RGPD5: variants seen among roughly 807,000 people sequenced by gnomAD.
The protein encoded by RGPD5 is RANBP2 like and GRIP domain containing 5.
the RGPD5 span, among the ~76,000 whole-genome samples, chr2:109,763,810 G>A: frequency 6.7e-6 from 1 of 149,594 alleles, no homozygotes; most frequent in Non-Finnish European, 1.5e-5. Context: ...CTAATTGATG[G>A]ACATCATTTT....
chr2:109,772,890 CAT>C, the RGPD5 span, among the ~76,000 whole-genome samples: 3 of 143,562 alleles, frequency 2.1e-5, no homozygotes, highest in Non-Finnish European at 4.5e-5. Context: ...AGTATTCACT[CAT>C]TTTCTGGGTA....
At chr2:109,777,286 A>G in the RGPD5 span, among the ~76,000 whole-genome samples, 1 of 148,836 alleles carries the variant, frequency 6.7e-6, no homozygotes, top group South Asian at 2.2e-4. Context: ...GCTTTTCTAC[A>G]TGTATTGAGA....
the RGPD5 span, among the ~76,000 whole-genome samples, chr2:109,774,528 AT>A: frequency 8.6e-5 from 8 of 92,786 alleles, no homozygotes; most frequent in East Asian, 2.5e-3. Flanking sequence ...TATATTATAT[AT>A]ATTATATATA....
At chr2:109,772,760 C>T in the RGPD5 span, among the ~76,000 whole-genome samples, 1 of 139,620 alleles carries the variant, frequency 7.2e-6, no homozygotes, top group African/African-American at 2.8e-5. Context: ...AGTCTGGTGG[C>T]TGTGAGAGGC....
chr2:109,766,570 T>C, the RGPD5 span, among the ~76,000 whole-genome samples: 478 of 150,640 alleles, frequency 3.2e-3, 10 homozygotes, highest in Non-Finnish European at 5.4e-3. Context: ...AGATTCTCTT[T>C]TGTGAAAATG....
chr2:109,794,630 C>CTCGGCCCCGGCCCG (rs1676885105), intron 1 of RGPD5, 93 bp downstream of exon 1: 1 of 781,298 alleles, frequency 1.3e-6, no homozygotes, highest in African/African-American at 2.7e-5. Flanking sequence ...CGGCGGCGGC[C>CTCGGCCCCGGCCCG]GCCTCGATGG....
the RGPD5 span, among the ~76,000 whole-genome samples, chr2:109,764,777 A>C: frequency 7.9e-6 from 1 of 126,266 alleles, no homozygotes; most frequent in South Asian, 2.8e-4. Context: ...TTGGGCAAAG[A>C]AAACTTGAAC....
chr2:109,779,320 AC>A, the RGPD5 span, among the ~76,000 whole-genome samples: 1 of 76,946 alleles, frequency 1.3e-5, no homozygotes, highest in Non-Finnish European at 2.7e-5. Context: ...AGTCATAGAA[AC>A]CCACGAGTCA....
chr2:109,774,505 T>TATATATATATATAAA, the RGPD5 span, among the ~76,000 whole-genome samples: 28,327 of 32,000 alleles, frequency 0.89, 12,912 homozygotes, highest in Middle Eastern at 0.94. Flanking sequence ...CAAACATATA[T>TATATATATATATAAA]ATATATATAA....
At chr2:109,763,300 C>A in the RGPD5 span, among the ~76,000 whole-genome samples, 6 of 150,394 alleles carry the variant, frequency 4.0e-5, 2 homozygotes, top group Non-Finnish European at 5.9e-5. Context: ...AATTATAAAG[C>A]AAGTACTGTT....
At chr2:109,761,883 C>T in the RGPD5 span, among the ~76,000 whole-genome samples, 4 of 151,426 alleles carry the variant, frequency 2.6e-5, no homozygotes, top group Admixed American at 6.6e-5. Context: ...TCACATGTGT[C>T]TAAAACTGCA....
chr2:109,774,653 T>C, the RGPD5 span, among the ~76,000 whole-genome samples: 1 of 61,734 alleles, frequency 1.6e-5, no homozygotes, highest in African/African-American at 9.5e-5. Flanking sequence ...ATGAATAGTA[T>C]ATTGTGTTCA....
chr2:109,774,551 A>T, the RGPD5 span, among the ~76,000 whole-genome samples: 1 of 99,170 alleles, frequency 1.0e-5, no homozygotes, highest in Admixed American at 1.4e-4. Context: ...AATATATATA[A>T]TATATATATG....
the RGPD5 span, among the ~76,000 whole-genome samples, chr2:109,770,056 C>G: frequency 1.9e-5 from 2 of 107,708 alleles, no homozygotes; most frequent in South Asian, 3.1e-4. Flanking sequence ...ACAACCCGCC[C>G]CCCACCACAC....
At chr2:109,765,583 TG>T in the RGPD5 span, among the ~76,000 whole-genome samples, 2 of 149,866 alleles carry the variant, frequency 1.3e-5, no homozygotes, top group African/African-American at 4.9e-5. Flanking sequence ...ATATTCATGG[TG>T]GGGTGGCATT....
the RGPD5 span, among the ~76,000 whole-genome samples, chr2:109,774,505 T>TATATATATATAAAAA: frequency 2.8e-4 from 9 of 32,070 alleles, no homozygotes; most frequent in East Asian, 1.1e-3. Flanking sequence ...CAAACATATA[T>TATATATATATAAAAA]ATATATATAA....
At chr2:109,764,553 T>C in the RGPD5 span, among the ~76,000 whole-genome samples, 1 of 149,916 alleles carries the variant, frequency 6.7e-6, no homozygotes, top group Non-Finnish European at 1.5e-5. Context: ...AGTGTTATTG[T>C]CAAATGAGGA....
At chr2:109,778,228 A>G in the RGPD5 span, among the ~76,000 whole-genome samples, 1 of 137,378 alleles carries the variant, frequency 7.3e-6, no homozygotes, top group Non-Finnish European at 1.6e-5. Flanking sequence ...GTAAGGCCCT[A>G]GGGTTGAGCT....
chr2:109,774,531 TTATATATA>T, the RGPD5 span, among the ~76,000 whole-genome samples: 2 of 88,366 alleles, frequency 2.3e-5, 1 homozygote, highest in Admixed American at 3.2e-4. Flanking sequence ...ATTATATATA[TTATATATA>T]AAATATATAT....
Sources: gnomAD v4.1 joint callset for allele counts (sites outside exome capture counted in the v4.1 genomes callset) on GRCh38, gnomAD v4.1.1 for gene constraint, MANE v1.5 for transcripts, NCBI Gene and HGNC (gene_info 2026-07-23, HGNC 2026-07-21) for gene names.